Variants in DLEC1 observed in about 807,000 individuals in gnomAD.
DLEC1 encodes DLEC1 cilia and flagella associated protein, also known as deleted in lung and esophageal cancer protein 1.
A neutral mutation model predicts 198.1 loss-of-function variants in DLEC1; 146 were observed. The ratio of observed to expected loss-of-function variants is 0.74; its 90% confidence interval spans 0.64 to 0.85. The LOEUF is 0.85. DLEC1 is among the 40% of genes least tolerant of loss of function. The pLI is 0.00. For missense variants in DLEC1, 2,233 were observed against 2,220.0 expected, an observed-to-expected ratio of 1.01 and a Z score of -0.12; for synonymous variants, 897 against 866.8, an observed-to-expected ratio of 1.03 and a Z score of -0.61.
Position 38,109,427 on chromosome 3 carries a change from T to C in DLEC1, c.3130-5T>C. ...GGTCTGACCCCTGGATGGGCTTTCTTATAGGAAGAGCTGACCCATCTGGCC... is the reference window on the plus strand; with the variant it reads ...GGTCTGACCCCTGGATGGGCTTTCTCATAGGAAGAGCTGACCCATCTGGCC... On this transcript the variant is annotated splice_polypyrimidine_tract_variant and splice_region_variant and intron_variant, in intron 21 of 36. Transcript: ENST00000308059. The C allele has an allele frequency of 6.2e-7, 1 of 1,614,054 alleles. No homozygotes were observed. Among genetic ancestry groups the C allele is most frequent in the Non-Finnish European group, 8.5e-7 (1 of 1,179,958 alleles).
rs756411902 is a variant in DLEC1, at chr3:38,117,855, C to T, written c.4535C>T (p.Thr1512Ile). ...TTHHLKLTNT[T>I]EIPHYFRLMV... ...CACCACCTGAAGCTGACCAACACTACAGAGATCCCACACTACTTCCGGCTT... is the reference window on the plus strand; with the variant it reads ...CACCACCTGAAGCTGACCAACACTATAGAGATCCCACACTACTTCCGGCTT... Residue 1512 changes from threonine to isoleucine, a missense_variant, in exon 33 of 37, where the codon ACA (threonine) becomes ATA (isoleucine). Physicochemically the swap from Thr to Ile is moderately conservative, Grantham distance 89 (BLOSUM62 -1). Transcript: ENST00000308059. 16 of 1,614,050 alleles carry T rather than the reference C, an allele frequency of 9.9e-6. No homozygotes were observed. In the Admixed American group the frequency reaches 1.8e-4, roughly 18 times the overall value.
intron 6 of DLEC1, among the ~76,000 whole-genome samples, chr3:38,067,430 G>A (rs778857759): frequency 2.0e-5 from 3 of 152,230 alleles, no homozygotes; most frequent in Non-Finnish European, 4.4e-5. Flanking sequence ...TAATATTGCT[G>A]CAAAGCAAAA....
chr3:38,042,273 G>A (rs989478543), intron 1 of DLEC1, among the ~76,000 whole-genome samples: 2 of 152,082 alleles, frequency 1.3e-5, no homozygotes, highest in Admixed American at 6.5e-5. Flanking sequence ...GATTACAAGA[G>A]TGTGCCACTG....
At chr3:38,074,036 G>A (rs1697468142) in intron 6 of DLEC1, among the ~76,000 whole-genome samples, 1 of 152,190 alleles carries the variant, frequency 6.6e-6, no homozygotes, top group Admixed American at 6.6e-5. Flanking sequence ...CCTTCCAGTG[G>A]GTCCTTACAC....
chr3:38,092,243 C>T (rs532904164), intron 10 of DLEC1, among the ~76,000 whole-genome samples: 3 of 152,226 alleles, frequency 2.0e-5, no homozygotes, highest in East Asian at 1.9e-4. Context: ...CTGTCGTTTG[C>T]GACAACATGG....
intron 14 of DLEC1, 88 bp from the exon 15 acceptor site, chr3:38,096,481 C>T (rs1368610976): frequency 2.1e-6 from 3 of 1,457,936 alleles, no homozygotes; most frequent in African/African-American, 2.9e-5. Flanking sequence ...TTTTTTTTCA[C>T]AAGGCCAAAC....
At chr3:38,116,682 G>T (rs1204759084) in intron 28 of DLEC1, 24 bp downstream of exon 28, 1 of 1,612,798 alleles carries the variant, frequency 6.2e-7, no homozygotes, top group Non-Finnish European at 8.5e-7. Flanking sequence ...GAGGGGCGGG[G>T]CAGGCTGGCC....
At chr3:38,099,757 G>C (rs1281428264) in intron 18 of DLEC1, among the ~76,000 whole-genome samples, 1 of 150,772 alleles carries the variant, frequency 6.6e-6, no homozygotes, top group Middle Eastern at 3.4e-3. Context: ...TGGCATGGGA[G>C]GAGGAGCAGA....
At chr3:38,118,105 A>G in intron 33 of DLEC1, 81 bp downstream of exon 33, 2 of 1,471,842 alleles carry the variant, frequency 1.4e-6, no homozygotes, top group Non-Finnish European at 1.8e-6. Context: ...CGCCACCCTC[A>G]GGTGCTTGTA....
intron 6 of DLEC1, among the ~76,000 whole-genome samples, chr3:38,064,485 C>T (rs942910012): frequency 2.0e-5 from 3 of 152,338 alleles, no homozygotes; most frequent in East Asian, 1.9e-4. Flanking sequence ...TTGACAAAAC[C>T]GCCATCGGCA....
intron 6 of DLEC1, among the ~76,000 whole-genome samples, chr3:38,072,225 T>C (rs1486060130): frequency 3.3e-5 from 5 of 152,024 alleles, no homozygotes; most frequent in African/African-American, 1.2e-4. Flanking sequence ...GAAGAGTGAG[T>C]GTAGCTGAAG....
rs374956825 is a variant in DLEC1 at position 38,116,436 on chromosome 3, C to T, written c.3857-17C>T. 6.2e-7 allele frequency: 1 copy of T among 1,613,888 alleles called. No homozygotes were observed. The highest frequency in any genetic ancestry group is 8.5e-7 in the Non-Finnish European group (1 of 1,179,898). On this transcript the variant is annotated splice_polypyrimidine_tract_variant and intron_variant, in intron 27 of 36. Coordinates refer to ENST00000308059, the MANE Select transcript of DLEC1 (RefSeq NM_007335.4). Reference sequence around the variant, plus strand: ...CTCCTCCCTTATTCCTCACCCTGCTCCACACATCTGCCCCAGACATCCGCC... The same window carrying T: ...CTCCTCCCTTATTCCTCACCCTGCTTCACACATCTGCCCCAGACATCCGCC...
At chr3:38,057,817 CTT>C (rs71094945) in intron 2 of DLEC1, among the ~76,000 whole-genome samples, 96 of 132,756 alleles carry the variant, frequency 7.2e-4, no homozygotes, top group Middle Eastern at 3.7e-3. Context: ...TGTATTATTC[CTT>C]TTTTTTTTTT....
chr3:38,056,525 G>T (rs1377459385), intron 2 of DLEC1, among the ~76,000 whole-genome samples: 2 of 152,122 alleles, frequency 1.3e-5, no homozygotes, highest in Non-Finnish European at 2.9e-5. Context: ...GGCCAGGCTG[G>T]TCTTGAACTC....
In DLEC1 at chr3:38,111,711, C is replaced by T. The variant is rs201252799; in HGVS notation, c.3478C>T (p.Arg1160Trp). The change falls in exon 24 of 37, where the codon CGG becomes TGG. Residue 1160 changes from arginine to tryptophan, a missense_variant. By Grantham distance (101) the Arg-to-Trp change is moderately radical (BLOSUM62 -3). Transcript: ENST00000308059. ...GCCTCCTGCCCTGCTAAAGACAGTGCGGATGCAAGAGCACCTGGCCAAGCG... is the reference window on the plus strand; with the variant it reads ...GCCTCCTGCCCTGCTAAAGACAGTGTGGATGCAAGAGCACCTGGCCAAGCG... Reference protein sequence around the residue: ...NMPPALLKTVRMQEHLAKREQ... With the variant: ...NMPPALLKTVWMQEHLAKREQ... 298 of 1,612,972 alleles carry T rather than the reference C, an allele frequency of 1.8e-4. No individual in the cohort carries two copies. Among genetic ancestry groups the T allele is most frequent in the East Asian group, 6.2e-4 (28 of 44,850 alleles).
At chr3:38,052,748 G>A (rs376490115) in intron 2 of DLEC1, among the ~76,000 whole-genome samples, 2 of 139,806 alleles carry the variant, frequency 1.4e-5, no homozygotes, top group East Asian at 4.7e-4. Flanking sequence ...CCATTACAAG[G>A]GTTTGAAGTC....
chr3:38,117,725 C>CCA, intron 32 of DLEC1, 81 bp from the exon 33 acceptor site: 2 of 1,590,504 alleles, frequency 1.3e-6, no homozygotes, highest in Non-Finnish European at 1.7e-6. Flanking sequence ...TCCCCCAGCC[C>CCA]TCCCAGCCCT....
rs1699797389 is a variant in DLEC1 at position 38,110,295 on chromosome 3, C to T, written c.3443+14C>T. ...AAAGACCAGCCTGTAAGTCTTGCTT[C>T]TTTCACTTCCCAGGGCAGATGAAGC... On this transcript the variant is annotated intron_variant, in intron 23 of 36. Coordinates refer to ENST00000308059, the MANE Select transcript of DLEC1 (RefSeq NM_007335.4). The T allele has an allele frequency of 1.9e-6, 3 of 1,613,710 alleles. No individual in the cohort carries two copies. The highest frequency in any genetic ancestry group is 3.3e-5 in the Admixed American group (2 of 60,004).
intron 19 of DLEC1, among the ~76,000 whole-genome samples, 194 bp downstream of exon 19, chr3:38,100,619 CTGA>C (rs1391771996): frequency 6.6e-6 from 1 of 152,194 alleles, no homozygotes; most frequent in African/African-American, 2.4e-5. Flanking sequence ...GGATGATCCA[CTGA>C]TAATATTATG....
Sources: allele counts gnomAD v4.1 joint callset (sites outside exome capture counted in the v4.1 genomes callset), GRCh38; gene constraint gnomAD v4.1.1; transcripts MANE v1.5; gene names NCBI Gene and HGNC (gene_info 2026-07-23, HGNC 2026-07-21).